The following HSP90AB1 variants were observed in gnomAD, a reference collection of about 807,000 sequenced individuals.
HSP90AB1 encodes heat shock protein HSP 90-beta.
A neutral mutation model predicts 67.8 loss-of-function variants in HSP90AB1; 17 were observed. That is an observed-to-expected ratio of 0.25 (90% CI 0.17 to 0.38). The LOEUF (loss-of-function observed/expected upper bound fraction) is 0.38. Among genes scored for constraint, HSP90AB1 ranks in the 10% least tolerant of loss-of-function variants. The pLI, the probability that HSP90AB1 is intolerant of heterozygous loss-of-function variation, is 1.00. For missense variants in HSP90AB1, 690 were observed against 899.9 expected (o/e 0.77, Z 2.98); for synonymous variants, 390 against 312.9 (o/e 1.25, Z -2.60).
rs1409153268 is a variant in HSP90AB1 at position 44,252,274 on chromosome 6, C to T, written c.1731+7C>T. 1 of 1,611,794 alleles carries T rather than the reference C, an allele frequency of 6.2e-7. No homozygotes were observed. The highest frequency in any genetic ancestry group is 1.7e-5 in the Admixed American group (1 of 59,956). On this transcript the variant is annotated splice_region_variant and intron_variant, in intron 10 of 11. Coordinates refer to ENST00000371646, the MANE Select transcript of HSP90AB1 (RefSeq NM_007355.4). ...AGATAAGAAGGTTGAGAAGGTAAGC[C>T]ATTCTGGGGCTAGGATATATTTTGT...
In HSP90AB1 at chr6:44,251,573, A is replaced by G. The variant is rs1390673935; in HGVS notation, c.1279A>G (p.Lys427Glu). The change falls in exon 8 of 12, where the codon AAG (lysine) becomes GAG (glutamate). Residue 427 changes from lysine (K) to glutamate (E), a missense_variant. This residue lies in a region of HSP90AB1 where 206 missense variants were observed against 221.4 expected (regional missense o/e 0.93). Coordinates refer to ENST00000371646, the MANE Select transcript of HSP90AB1 (RefSeq NM_007355.4). ...GCTGGCAGAAGACAAGGAGAATTAC[A>G]AGAAATTCTATGAGGCATTCTCTAA... ...SELAEDKENY[K>E]KFYEAFSKNL... The G allele has an allele frequency of 1.9e-6, 3 of 1,608,806 alleles. No individual in the cohort carries two copies.
Position 44,249,690 on chromosome 6 carries a change from T to C in HSP90AB1, c.370T>C (p.Ser124Pro). The change falls in exon 4 of 12, where the codon TCC (serine) becomes CCC (proline). Residue 124 changes from serine to proline, a missense_variant. Physicochemically the swap from Ser to Pro is moderately conservative, Grantham distance 74. This residue lies in a region of HSP90AB1 where 88 missense variants were observed against 167.7 expected (regional missense o/e 0.52). Transcript: ENST00000371646. ...TTGTTGGCAGGCTGGTGCAGACATC[T>C]CCATGATTGGGCAGTTTGGTGTTGG... ...MEALQAGADI[S>P]MIGQFGVGFY... 6.2e-7 allele frequency: 1 copy of C among 1,613,660 alleles called. No individual in the cohort carries two copies. The highest frequency in any genetic ancestry group is 8.5e-7 in the Non-Finnish European group (1 of 1,179,764).
chr6:44,252,176 A>C lies in HSP90AB1; in HGVS notation c.1640A>C (p.Glu547Ala). 1 of 1,614,160 alleles carries C rather than the reference A, an allele frequency of 6.2e-7. No individual in the cohort carries two copies. The highest frequency in any genetic ancestry group is 1.1e-5 in the South Asian group (1 of 91,080). Residue 547 changes from glutamate (E) to alanine (A), a missense_variant, in exon 10 of 12, where the codon GAG becomes GCG. Around this residue, in one of 7 missense-constraint regions of HSP90AB1, gnomAD observed 206 missense variants for 221.4 expected, o/e 0.93. Coordinates refer to ENST00000371646, the MANE Select transcript of HSP90AB1 (RefSeq NM_007355.4). Reference sequence around the variant, plus strand: ...GAGGGTCTGGAGCTGCCTGAGGATGAGGAGGAGAAGAAGAAGATGGAAGAG... The same window carrying C: ...GAGGGTCTGGAGCTGCCTGAGGATGCGGAGGAGAAGAAGAAGATGGAAGAG... The part of the protein sequence containing the change: ...TKEGLELPED[E>A]EEKKKMEESK...
Position 44,251,798 on chromosome 6 carries a change from C to T in HSP90AB1, c.1376C>T (p.Thr459Ile), listed in dbSNP as rs1322127370. Reference sequence around the variant, plus strand: ...CTGTCTGAGCTGCTGCGCTATCATACCTCCCAGTCTGGAGATGAGATGACA... The same window carrying T: ...CTGTCTGAGCTGCTGCGCTATCATATCTCCCAGTCTGGAGATGAGATGACA... ...RRLSELLRYH[T>I]SQSGDEMTSL... The change falls in exon 9 of 12, where the codon ACC (threonine) becomes ATC (isoleucine). Residue 459 changes from threonine to isoleucine, a missense_variant. This residue lies in a region of HSP90AB1 where 206 missense variants were observed against 221.4 expected (regional missense o/e 0.93). Coordinates refer to ENST00000371646, the MANE Select transcript of HSP90AB1 (RefSeq NM_007355.4). 5 of 1,613,318 alleles carry T rather than the reference C, an allele frequency of 3.1e-6. No homozygotes were observed. Among genetic ancestry groups the T allele is most frequent in the East Asian group, 2.2e-5 (1 of 44,878 alleles).
intron 10 of HSP90AB1, among the ~76,000 whole-genome samples, chr6:44,252,807 T>C (rs1444429798): frequency 1.3e-5 from 2 of 152,102 alleles, no homozygotes; most frequent in East Asian, 3.9e-4. Flanking sequence ...GATTTTTTTT[T>C]TTTTTGGACT....
Position 44,252,067 on chromosome 6 carries a change from G to T in HSP90AB1, c.1531G>T (p.Val511Leu), listed in dbSNP as rs776217629. The T allele has an allele frequency of 6.2e-7, 1 of 1,614,174 alleles. No homozygotes were observed. The change falls in exon 10 of 12, where the codon GTA (valine) becomes TTA (leucine). Residue 511 changes from valine (V) to leucine (L), a missense_variant. Val to Leu is a conservative substitution (Grantham distance 32). This residue lies in a region of HSP90AB1 where 206 missense variants were observed against 221.4 expected (regional missense o/e 0.93). Transcript: ENST00000371646. ...AGTGCGGAAACGGGGCTTCGAGGTGGTATATATGACCGAGCCCATTGACGA... is the reference window on the plus strand; with the variant it reads ...AGTGCGGAAACGGGGCTTCGAGGTGTTATATATGACCGAGCCCATTGACGA... ...ERVRKRGFEV[V>L]YMTEPIDEYC... is the part of the protein sequence containing the mutation.
In HSP90AB1 at chr6:44,253,251, G is replaced by C. The variant is rs776157635; in HGVS notation, c.1938G>C (p.Lys646Asn). The C allele has an allele frequency of 3.1e-6, 5 of 1,614,242 alleles. No homozygotes were observed. The highest frequency in any genetic ancestry group is 2.5e-6 in the Non-Finnish European group (3 of 1,180,042). Residue 646 changes from lysine (K) to asparagine (N), a missense_variant, in exon 11 of 12, where the codon AAG becomes AAC. Around this residue, in one of 7 missense-constraint regions of HSP90AB1, gnomAD observed 120 missense variants for 153.5 expected, o/e 0.78. Transcript: ENST00000371646. Reference protein sequence around the residue: ...ETLRQKAEADKNDKAVKDLVV... With the variant: ...ETLRQKAEADNNDKAVKDLVV... ...TGCGGCAGAAGGCTGAGGCCGACAA[G>C]AATGATAAGGCAGTTAAGGACCTGG... is the stretch of plus-strand genomic sequence containing the variant.
At chr6:44,248,929 G>T (rs375714759) in intron 2 of HSP90AB1, among the ~76,000 whole-genome samples, 153 bp downstream of exon 2, 2 of 152,156 alleles carry the variant, frequency 1.3e-5, no homozygotes, top group African/African-American at 4.8e-5. Context: ...TGGCCATCTT[G>T]AACTTGGAAG....
At chr6:44,252,572 T>G (rs1306440721) in intron 10 of HSP90AB1, among the ~76,000 whole-genome samples, 1 of 152,168 alleles carries the variant, frequency 6.6e-6, no homozygotes, top group African/African-American at 2.4e-5. Flanking sequence ...CTCTGCTCAT[T>G]GCAAGCTCCG....
At chr6:44,251,344 CT>C in intron 7 of HSP90AB1, 73 bp from the exon 8 acceptor site, 1 of 1,534,014 alleles carries the variant, frequency 6.5e-7, no homozygotes, top group Non-Finnish European at 9.0e-7. Context: ...CTATTAGAGC[CT>C]TCTGTTTGAA....
Position 44,248,747 on chromosome 6 carries a change from C to T in HSP90AB1, c.118C>T (p.Leu40Phe). Residue 40 changes from leucine to phenylalanine, a missense_variant, in exon 2 of 12, where the codon CTT (leucine) becomes TTT (phenylalanine). By Grantham distance (22) the Leu-to-Phe change is conservative. This residue lies in a region of HSP90AB1 where 88 missense variants were observed against 167.7 expected (regional missense o/e 0.52). Coordinates refer to ENST00000371646, the MANE Select transcript of HSP90AB1 (RefSeq NM_007355.4). ...CTTCTATTCCAACAAGGAGATTTTC[C>T]TTCGGGAGTTGATCTCTAATGCTTC... Reference protein sequence around the residue: ...NTFYSNKEIFLRELISNASDA... With the variant: ...NTFYSNKEIFFRELISNASDA... 6.2e-7 allele frequency: 1 copy of T among 1,613,962 alleles called. No individual in the cohort carries two copies. The highest frequency in any genetic ancestry group is 2.2e-5 in the East Asian group (1 of 44,890).
At chr6:44,250,865 CAT>C in intron 6 of HSP90AB1, among the ~76,000 whole-genome samples, 181 bp from the exon 7 acceptor site, 1 of 152,230 alleles carries the variant, frequency 6.6e-6, no homozygotes, top group East Asian at 1.9e-4. Flanking sequence ...CTGTTTTCTA[CAT>C]ACAGCTAGTA....
At chr6:44,252,364 A>G (rs1160951642) in intron 10 of HSP90AB1, 97 bp downstream of exon 10, 10 of 1,134,722 alleles carry the variant, frequency 8.8e-6, no homozygotes, top group African/African-American at 3.1e-5. Context: ...GAGGCAGCCT[A>G]TTTACTGTTT....
chr6:44,253,159 A>G lies in HSP90AB1; in HGVS notation c.1846A>G (p.Thr616Ala). Residue 616 changes from threonine (T) to alanine (A), a missense_variant, in exon 11 of 12, where the codon ACC becomes GCC. Transcript: ENST00000371646. The part of the protein sequence containing the change: ...MKAQALRDNS[T>A]MGYMMAKKHL... ...AGCCCAGGCACTTCGGGACAACTCCACCATGGGCTATATGATGGCCAAAAA... is the reference window on the plus strand; with the variant it reads ...AGCCCAGGCACTTCGGGACAACTCCGCCATGGGCTATATGATGGCCAAAAA... The G allele has an allele frequency of 6.2e-7, 1 of 1,614,172 alleles. No homozygotes were observed. The highest frequency in any genetic ancestry group is 1.3e-5 in the African/African-American group (1 of 75,050).
In HSP90AB1 at chr6:44,253,510, C is replaced by T. The variant is rs1405495419; in HGVS notation, c.2087C>T (p.Ala696Val). 2 of 1,613,812 alleles carry T rather than the reference C, an allele frequency of 1.2e-6. No individual in the cohort carries two copies. The highest frequency in any genetic ancestry group is 2.7e-5 in the African/African-American group (2 of 74,922). Reference sequence around the variant, plus strand: ...TCAGGTATTGATGAAGATGAAGTGGCAGCAGAGGAACCCAATGCTGCAGTT... The same window carrying T: ...TCAGGTATTGATGAAGATGAAGTGGTAGCAGAGGAACCCAATGCTGCAGTT... ...LGLGIDEDEVAAEEPNAAVPD... is the reference protein window; with the variant it reads ...LGLGIDEDEVVAEEPNAAVPD... The change falls in exon 12 of 12, where the codon GCA becomes GTA. Residue 696 changes from alanine (A) to valine (V), a missense_variant. This residue lies in a region of HSP90AB1 where 120 missense variants were observed against 153.5 expected (regional missense o/e 0.78). Coordinates refer to ENST00000371646, the MANE Select transcript of HSP90AB1 (RefSeq NM_007355.4).
chr6:44,251,309 A>G (rs1561900086), intron 7 of HSP90AB1, 96 bp downstream of exon 7: 6 of 1,533,366 alleles, frequency 3.9e-6, no homozygotes, highest in Non-Finnish European at 5.4e-6. Flanking sequence ...TCTGCAATAC[A>G]TAGTAGGTGT....
chr6:44,252,040 C>G lies in HSP90AB1; in HGVS notation c.1504C>G (p.Arg502Gly). The stretch of plus-strand genomic sequence containing the variant: ...GGTGGCCAACTCAGCTTTTGTGGAG[C>G]GAGTGCGGAAACGGGGCTTCGAGGT... Reference protein sequence around the residue: ...EQVANSAFVERVRKRGFEVVY... With the variant: ...EQVANSAFVEGVRKRGFEVVY... Residue 502 changes from arginine (R) to glycine (G), a missense_variant, in exon 10 of 12, where the codon CGA (arginine) becomes GGA (glycine). Around this residue, in one of 7 missense-constraint regions of HSP90AB1, gnomAD observed 206 missense variants for 221.4 expected, o/e 0.93. Coordinates refer to ENST00000371646, the MANE Select transcript of HSP90AB1 (RefSeq NM_007355.4). The G allele has an allele frequency of 1.9e-6, 3 of 1,614,074 alleles. No individual in the cohort carries two copies. Among genetic ancestry groups the G allele is most frequent in the Non-Finnish European group, 2.5e-6 (3 of 1,179,996 alleles).
At chr6:44,252,341 C>A (rs1420686890) in intron 10 of HSP90AB1, 74 bp downstream of exon 10, 1 of 1,354,082 alleles carries the variant, frequency 7.4e-7, no homozygotes, top group Non-Finnish European at 1.0e-6. Flanking sequence ...TGTTTCTATA[C>A]AATTAGTGGT....
At chr6:44,248,857 T>C (rs1582981947) in intron 2 of HSP90AB1, 81 bp downstream of exon 2, 1 of 1,271,710 alleles carries the variant, frequency 7.9e-7, no homozygotes, top group Non-Finnish European at 1.1e-6. Context: ...GTTTGGCCTT[T>C]GTTGGGGACT....
Sources: gnomAD v4.1 joint callset for allele counts (sites outside exome capture counted in the v4.1 genomes callset) on GRCh38, gnomAD v4.1.1 for gene constraint, gnomAD v4.1.1 regional missense constraint, MANE v1.5 for transcripts, NCBI Gene and HGNC (gene_info 2026-07-23, HGNC 2026-07-21) for gene names.